Variants in USH1G observed in about 807,000 individuals in gnomAD.
USH1G encodes USH1 protein network component sans, also known as pre-mRNA splicing regulator USH1G.
In USH1G, 27 loss-of-function variants were observed where a neutral mutation model predicts 31.9. That is an observed-to-expected ratio of 0.85 (90% confidence interval 0.62 to 1.17). The LOEUF is 1.17. USH1G is among the 50% of genes most tolerant of loss of function. The pLI is 0.00. For synonymous variants in USH1G, 266 were observed against 283.2 expected, an observed-to-expected ratio of 0.94 and a Z score of 0.61; for missense variants, 674 against 638.9, an observed-to-expected ratio of 1.05 and a Z score of -0.59.
In USH1G at chr17:74,920,645, C is replaced by A; in HGVS notation, c.191G>T (p.Trp64Leu). Residue 64 changes from tryptophan to leucine, a missense_variant, in exon 2 of 3, where the codon TGG becomes TTG. Trp to Leu is a moderately conservative substitution (Grantham distance 61). Transcript: ENST00000614341. The surrounding 1 kb of genome is among the most constrained non-coding windows in gnomAD (Gnocchi z 5.2). ...RGGDPDKCDI[W>L]GNTPLHLAAS... ...TGCCAGATGCAGGGGTGTGTTGCCC[C>A]AGATGTCACACTTGTCCGGGTCACC... 6.2e-7 allele frequency: 1 copy of A among 1,613,698 alleles called. No individual in the cohort carries two copies. Among genetic ancestry groups the A allele is most frequent in the African/African-American group, 1.3e-5 (1 of 75,032 alleles).
rs1598586241 is a variant in USH1G, at chr17:74,921,815, G to A, written c.164+1095C>T. On this transcript the variant is annotated intron_variant, in intron 1 of 2. Coordinates refer to ENST00000614341, the MANE Select transcript of USH1G (RefSeq NM_173477.5). The surrounding 1 kb of genome is among the most constrained non-coding windows in gnomAD (Gnocchi z 4.6). ...CAGTGTCACTGTGTGCCCTCCTGGG[G>A]TGGGGAAGGGCCAGCCAGCCTTGGC... Among the ~76,000 whole-genome samples, 1 of 152,276 alleles carries A rather than the reference G, an allele frequency of 6.6e-6. No individual in the cohort carries two copies. The highest frequency in any genetic ancestry group is 1.9e-4 in the East Asian group (1 of 5,168).
At chr17:74,922,395 G>A (rs952204035) in intron 1 of USH1G, among the ~76,000 whole-genome samples, 4 of 152,128 alleles carry the variant, frequency 2.6e-5, no homozygotes, top group South Asian at 2.1e-4. Flanking sequence ...GACATTTGGC[G>A]CCCTGGACAG....
rs749586302 is a variant in USH1G at position 74,920,555 on chromosome 17, A to G, written c.281T>C (p.Leu94Pro). Residue 94 changes from leucine (L) to proline (P), a missense_variant, in exon 2 of 3, where the codon CTA becomes CCA. Transcript: ENST00000614341. The surrounding 1 kb of genome is among the most constrained non-coding windows in gnomAD (Gnocchi z 5.2). ...CAGCGGCGTGTGGTAGTCGTTGTCT[A>G]GGCACCAGATGTTGGCTCCGAAGGA... ...LVSFGANIWCLDNDYHTPLDM... is the reference protein window; with the variant it reads ...LVSFGANIWCPDNDYHTPLDM... 22 of 1,613,752 alleles carry G rather than the reference A, an allele frequency of 1.4e-5. 1 individual carries two copies. The Admixed American group carries it at 2.5e-4, about 18-fold the overall frequency.
At position 74,918,808 on chromosome 17, in the gene USH1G, C is replaced by CAA. The variant is rs58218083; in HGVS notation, c.1382+644_1382+645dup. 2.2e-4 allele frequency among the ~76,000 whole-genome samples: 24 copies of CAA among 107,264 alleles called. No individual in the cohort carries two copies. The highest frequency in any genetic ancestry group is 3.1e-4 in the African/African-American group (10 of 31,792). 70.4% of individuals were successfully genotyped at this position (107,264 alleles called of 152,430 possible). On this transcript the variant is annotated intron_variant, in intron 2 of 2. Transcript: ENST00000614341. The surrounding 1 kb of genome is among the most constrained non-coding windows in gnomAD (Gnocchi z 4.1). The stretch of plus-strand genomic sequence containing the variant: ...CTGGATGACAAGAGGGAAACTGTCT[C>CAA]AAAAAAAAAAAAAAAAAAATCTGCC...
Position 74,920,171 on chromosome 17 carries a change from C to G in USH1G, c.665G>C (p.Arg222Pro), listed in dbSNP as rs1003052325. Residue 222 changes from arginine (R) to proline (P), a missense_variant, in exon 2 of 3, where the codon CGG becomes CCG. By Grantham distance (103) the Arg-to-Pro change is moderately radical (BLOSUM62 -2). Coordinates refer to ENST00000614341, the MANE Select transcript of USH1G (RefSeq NM_173477.5). This position sits in a 1 kb window ranked among gnomAD's most constrained non-coding sequence, Gnocchi z 5.2. ...GGTGCCTTCGCCGCCCTGCTTGCGCCGCTCCAGCTTCTTCTGCATCTTGGT... is the reference window on the plus strand; with the variant it reads ...GGTGCCTTCGCCGCCCTGCTTGCGCGGCTCCAGCTTCTTCTGCATCTTGGT... ...GKTKMQKKLE[R>P]RKQGGEGTFK... 1 of 1,602,006 alleles carries G rather than the reference C, an allele frequency of 6.2e-7. No homozygotes were observed. The highest frequency in any genetic ancestry group is 1.7e-5 in the Admixed American group (1 of 60,008).
At position 74,921,403 on chromosome 17, in the gene USH1G, C is replaced by T. The variant is rs543676592; in HGVS notation, c.165-732G>A. On this transcript the variant is annotated intron_variant, in intron 1 of 2. Transcript: ENST00000614341. This position sits in a 1 kb window ranked among gnomAD's most constrained non-coding sequence, Gnocchi z 4.6. ...CCCTGCAAGGCTGGCTCACTTGAGC[C>T]TGTCCAGGGACCCCCGACAGCCCCC... is the stretch of plus-strand genomic sequence containing the variant. Among the ~76,000 whole-genome samples the T allele has an allele frequency of 9.6e-4, 146 of 152,184 alleles. No individual in the cohort carries two copies. The highest frequency in any genetic ancestry group is 3.4e-3 in the African/African-American group (143 of 41,510).
Position 74,919,691 on chromosome 17 carries a change from T to G in USH1G, c.1145A>C (p.Asp382Ala). The G allele has an allele frequency of 2.5e-6, 4 of 1,612,798 alleles. No individual in the cohort carries two copies. The highest frequency in any genetic ancestry group is 3.4e-6 in the Non-Finnish European group (4 of 1,180,006). Residue 382 changes from aspartate (D) to alanine (A), a missense_variant, in exon 2 of 3, where the codon GAC becomes GCC. Physicochemically the swap from Asp to Ala is moderately radical, Grantham distance 126. Transcript: ENST00000614341. This position sits in a 1 kb window ranked among gnomAD's most constrained non-coding sequence, Gnocchi z 4.5. ...GCTAGTCTCGGGCTCCAGGTCCTCGTCCAAGCCTAAATCGAGCTCATCCCA... is the reference window on the plus strand; with the variant it reads ...GCTAGTCTCGGGCTCCAGGTCCTCGGCCAAGCCTAAATCGAGCTCATCCCA... The part of the protein sequence containing the change: ...LPWDELDLGL[D>A]EDLEPETSPL...
rs946027111 is a variant in USH1G, at chr17:74,920,928, T to A, written c.165-257A>T. 6.6e-6 allele frequency among the ~76,000 whole-genome samples: 1 copy of A among 152,034 alleles called. No individual in the cohort carries two copies. The highest frequency in any genetic ancestry group is 1.5e-5 in the Non-Finnish European group (1 of 67,964). ...GAGAAGGCGGGACTGGGGCGGGGCC[T>A]TCCCCAAGCTAACTGAGGGCTGGGA... is the stretch of plus-strand genomic sequence containing the variant. On this transcript the variant is annotated intron_variant, in intron 1 of 2. Coordinates refer to ENST00000614341, the MANE Select transcript of USH1G (RefSeq NM_173477.5). The surrounding 1 kb of genome is among the most constrained non-coding windows in gnomAD (Gnocchi z 5.2).
chr17:74,922,040 C>T (rs1284049556), intron 1 of USH1G, among the ~76,000 whole-genome samples: 1 of 152,206 alleles, frequency 6.6e-6, no homozygotes, highest in Non-Finnish European at 1.5e-5. Context: ...TATCAACCTT[C>T]CTGGGGTGTC....
Position 74,920,573 on chromosome 17 carries a change from C to A in USH1G, c.263G>T (p.Gly88Val). 6.2e-7 allele frequency: 1 copy of A among 1,613,780 alleles called. No individual in the cohort carries two copies. The highest frequency in any genetic ancestry group is 8.5e-7 in the Non-Finnish European group (1 of 1,180,020). ...LHCLSFLVSF[G>V]ANIWCLDNDY... The stretch of plus-strand genomic sequence containing the variant: ...GTTGTCTAGGCACCAGATGTTGGCT[C>A]CGAAGGACACCAGGAAGGACAGGCA... The change falls in exon 2 of 3, where the codon GGA (glycine) becomes GTA (valine). Residue 88 changes from glycine (G) to valine (V), a missense_variant. Physicochemically the swap from Gly to Val is moderately radical, Grantham distance 109. Coordinates refer to ENST00000614341, the MANE Select transcript of USH1G (RefSeq NM_173477.5). The surrounding 1 kb of genome is among the most constrained non-coding windows in gnomAD (Gnocchi z 5.2).
chr17:74,920,696 A>G lies in USH1G; in HGVS notation c.165-25T>C. 1 of 1,612,230 alleles carries G rather than the reference A, an allele frequency of 6.2e-7. No individual in the cohort carries two copies. The highest frequency in any genetic ancestry group is 8.5e-7 in the Non-Finnish European group (1 of 1,179,502). ...CCTGCAGGGAAAGCATTCAGGAGGGACGAGTGACGAGTCCTGGCTGGGGAT... is the reference window on the plus strand; with the variant it reads ...CCTGCAGGGAAAGCATTCAGGAGGGGCGAGTGACGAGTCCTGGCTGGGGAT... On this transcript the variant is annotated intron_variant, in intron 1 of 2. Transcript: ENST00000614341. This position sits in a 1 kb window ranked among gnomAD's most constrained non-coding sequence, Gnocchi z 5.2.
Position 74,918,219 on chromosome 17 carries a change from G to A in USH1G, c.1383-143C>T. 1 of 1,150,656 alleles carries A rather than the reference G, an allele frequency of 8.7e-7. No individual in the cohort carries two copies. The highest frequency in any genetic ancestry group is 1.3e-6 in the Non-Finnish European group (1 of 787,146). 71.3% of individuals were successfully genotyped at this position (1,150,656 alleles called of 1,614,324 possible). On this transcript the variant is annotated intron_variant, in intron 2 of 2. Transcript: ENST00000614341. This position sits in a 1 kb window ranked among gnomAD's most constrained non-coding sequence, Gnocchi z 4.1. ...TCAGGGATGGGGGACGCCAGCCTAT[G>A]GGTGACCTCCCCATCCCCAAAACTC...
Position 74,921,229 on chromosome 17 carries a change from G to T in USH1G, c.165-558C>A, listed in dbSNP as rs1233446051. On this transcript the variant is annotated intron_variant, in intron 1 of 2. Transcript: ENST00000614341. The surrounding 1 kb of genome is among the most constrained non-coding windows in gnomAD (Gnocchi z 4.6). ...GTCTGCAGGGAGCAGGGCCAGCCCT[G>T]GCAAGCCCGAGTGTGAGAGGAGGTG... 6.6e-6 allele frequency among the ~76,000 whole-genome samples: 1 copy of T among 152,034 alleles called. No individual in the cohort carries two copies. Among genetic ancestry groups the T allele is most frequent in the Non-Finnish European group, 1.5e-5 (1 of 67,954 alleles).
Position 74,920,254 on chromosome 17 carries a change from C to G in USH1G, c.582G>C (p.Ala194=), listed in dbSNP as rs373704838. 1.9e-6 allele frequency: 3 copies of G among 1,602,298 alleles called. No individual in the cohort carries two copies. The highest frequency in any genetic ancestry group is 2.5e-6 in the Non-Finnish European group (3 of 1,179,394). ...STLSRRLQHL[A]LGSHLPYSQA... ...GAGAGTACGGCAGGTGGCTGCCCAG[C>G]GCCAGATGCTGCAGCCGGCGGCTCA... Residue 194 remains alanine (A), a synonymous_variant, in exon 2 of 3, where the codon GCG becomes GCC. Coordinates refer to ENST00000614341, the MANE Select transcript of USH1G (RefSeq NM_173477.5). This position sits in a 1 kb window ranked among gnomAD's most constrained non-coding sequence, Gnocchi z 5.2.
Position 74,919,522 on chromosome 17 carries a change from CTT to C in USH1G, c.1312_1313del (p.Lys438AspfsTer100), listed in dbSNP as rs2038906109. Reference sequence around the variant, plus strand: ...GCCGCCTCCTCACGGCCCCCAAGATCTTCTTTCGGGGCCCCAGTGGGACGCTG... The same window carrying C: ...GCCGCCTCCTCACGGCCCCCAAGATCCTTTCGGGGCCCCAGTGGGACGCTG... ...SISVPLGPRK[K>X]ILGAVRRRRQ... On this transcript the variant is annotated frameshift_variant, in exon 2 of 3. Transcript: ENST00000614341. LOFTEE classifies it high-confidence loss of function. This position sits in a 1 kb window ranked among gnomAD's most constrained non-coding sequence, Gnocchi z 4.5. 1.2e-6 allele frequency: 2 copies of C among 1,611,732 alleles called. No homozygotes were observed. The highest frequency in any genetic ancestry group is 3.3e-5 in the Admixed American group (2 of 60,008).
In USH1G at chr17:74,920,608, G is replaced by A; in HGVS notation, c.228C>T (p.Gly76=). 6.2e-7 allele frequency: 1 copy of A among 1,613,886 alleles called. No homozygotes were observed. The highest frequency in any genetic ancestry group is 8.5e-7 in the Non-Finnish European group (1 of 1,180,050). The part of the protein sequence containing the change: ...NTPLHLAASN[G]HLHCLSFLVS... ...CCAGGAAGGACAGGCAGTGCAAGTG[G>A]CCATTGGAAGCTGCCAGATGCAGGG... is the stretch of plus-strand genomic sequence containing the variant. The change falls in exon 2 of 3, where the codon GGC becomes GGT. Residue 76 remains glycine, a synonymous_variant. Transcript: ENST00000614341. The surrounding 1 kb of genome is among the most constrained non-coding windows in gnomAD (Gnocchi z 5.2).
chr17:74,919,357 C>G lies in USH1G; in HGVS notation c.1382+97G>C. On this transcript the variant is annotated intron_variant, in intron 2 of 2. Transcript: ENST00000614341. This position sits in a 1 kb window ranked among gnomAD's most constrained non-coding sequence, Gnocchi z 4.5. ...TTTCGATTTTATGAAATACAGTATCCCCCACCCCCTACTCCTGAATAGGCA... is the reference window on the plus strand; with the variant it reads ...TTTCGATTTTATGAAATACAGTATCGCCCACCCCCTACTCCTGAATAGGCA... The G allele has an allele frequency of 3.6e-6, 5 of 1,400,378 alleles. No homozygotes were observed. The highest frequency in any genetic ancestry group is 4.7e-6 in the Non-Finnish European group (5 of 1,057,800). 86.7% of individuals were successfully genotyped at this position (1,400,378 alleles called of 1,614,324 possible).
At position 74,919,815 on chromosome 17, in the gene USH1G, C is replaced by T. The variant is rs766484391; in HGVS notation, c.1021G>A (p.Ala341Thr). The T allele has an allele frequency of 6.2e-7, 1 of 1,612,954 alleles. No homozygotes were observed. The highest frequency in any genetic ancestry group is 8.5e-7 in the Non-Finnish European group (1 of 1,179,946). The change falls in exon 2 of 3, where the codon GCG (alanine) becomes ACG (threonine). Residue 341 changes from alanine to threonine, a missense_variant. By Grantham distance (58) the Ala-to-Thr change is moderately conservative (BLOSUM62 0). Coordinates refer to ENST00000614341, the MANE Select transcript of USH1G (RefSeq NM_173477.5). This position sits in a 1 kb window ranked among gnomAD's most constrained non-coding sequence, Gnocchi z 4.5. ...GAGCTCTGCAGCCGACCCCGCGGCG[C>T]TCCCACCCCATCCAGACCCCCATCC... ...REDGGLDGVG[A>T]PRGRLQSSPS...
chr17:74,922,808 T>C, intron 1 of USH1G, 102 bp downstream of exon 1: 1 of 1,368,172 alleles, frequency 7.3e-7, no homozygotes, highest in Admixed American at 2.3e-5. Context: ...GGTCTAAGGG[T>C]CCGCCTGTCT....
Sources: gnomAD v4.1 joint callset for allele counts (sites outside exome capture counted in the v4.1 genomes callset) on GRCh38, gnomAD v4.1.1 for gene constraint, Gnocchi (gnomAD v3.1) non-coding constraint, MANE v1.5 for transcripts, NCBI Gene and HGNC (gene_info 2026-07-23, HGNC 2026-07-21) for gene names.